HS3ST2: variants seen among roughly 807,000 people sequenced by gnomAD.
HS3ST2 encodes heparan sulfate glucosamine 3-O-sulfotransferase 2.
In HS3ST2, 17 loss-of-function variants were observed where a neutral mutation model predicts 26.3. That is an observed-to-expected ratio of 0.65 (90% CI 0.44 to 0.97). The LOEUF is 0.97. Among genes scored for constraint, HS3ST2 ranks in the 50% least tolerant of loss-of-function variants. HS3ST2 has a pLI of 0.00. For synonymous variants in HS3ST2, 237 were observed against 219.2 expected (o/e 1.08, Z -0.72); for missense variants, 402 against 501.2 (o/e 0.80, Z 1.89).
intron 1 of HS3ST2, among the ~76,000 whole-genome samples, chr16:22,911,303 A>G (rs957234765): frequency 6.6e-6 from 1 of 152,198 alleles, no homozygotes; most frequent in African/African-American, 2.4e-5. Flanking sequence ...TATTGAAATG[A>G]TTGTTCATTG....
At chr16:22,860,852 G>A (rs1901663845) in intron 1 of HS3ST2, among the ~76,000 whole-genome samples, 1 of 150,166 alleles carries the variant, frequency 6.7e-6, no homozygotes, top group South Asian at 2.1e-4. Context: ...ATTTAATATA[G>A]TAATAGATAA....
intron 1 of HS3ST2, among the ~76,000 whole-genome samples, chr16:22,829,325 T>C (rs960079810): frequency 6.6e-5 from 10 of 152,166 alleles, no homozygotes; most frequent in African/African-American, 2.2e-4. Context: ...GCAGAATAGG[T>C]GGGGATTTGT....
intron 1 of HS3ST2, among the ~76,000 whole-genome samples, chr16:22,819,618 T>C (rs1800762725): frequency 2.0e-5 from 3 of 152,222 alleles, no homozygotes; most frequent in Admixed American, 2.0e-4. Flanking sequence ...GATAATTGAC[T>C]CTGTGTTCTG....
At chr16:22,906,551 G>A (rs1433523200) in intron 1 of HS3ST2, among the ~76,000 whole-genome samples, 2 of 152,142 alleles carry the variant, frequency 1.3e-5, no homozygotes, top group African/African-American at 4.8e-5. Flanking sequence ...CAGAGCCTTG[G>A]GCTAGAGACA....
chr16:22,827,218 A>C (rs1901100877), intron 1 of HS3ST2, among the ~76,000 whole-genome samples: 1 of 152,176 alleles, frequency 6.6e-6, no homozygotes, highest in Admixed American at 6.5e-5. Flanking sequence ...CCCAGGGGCC[A>C]GTATGTCCAG....
chr16:22,885,868 C>A (rs1902052444), intron 1 of HS3ST2, among the ~76,000 whole-genome samples: 1 of 152,142 alleles, frequency 6.6e-6, no homozygotes, highest in Non-Finnish European at 1.5e-5. Context: ...CACTGGTCGA[C>A]AAAATGCCTG....
intron 1 of HS3ST2, among the ~76,000 whole-genome samples, chr16:22,880,555 T>G (rs1472658368): frequency 1.3e-5 from 2 of 152,210 alleles, no homozygotes; most frequent in Non-Finnish European, 2.9e-5. Flanking sequence ...ACCTATTCGA[T>G]CCCCTATTTG....
At chr16:22,817,259 A>G (rs960494441) in intron 1 of HS3ST2, among the ~76,000 whole-genome samples, 2 of 152,006 alleles carry the variant, frequency 1.3e-5, no homozygotes, top group African/African-American at 2.4e-5. Context: ...ATATTTCTAA[A>G]AGACTATCCT....
intron 1 of HS3ST2, among the ~76,000 whole-genome samples, chr16:22,841,985 C>CT (rs1901364546): frequency 6.6e-6 from 1 of 151,116 alleles, no homozygotes; most frequent in Admixed American, 6.6e-5. Context: ...TCTAGACAAT[C>CT]TGTCTTTTTT....
rs11383417 is a variant in HS3ST2, at chr16:22,831,593, AT to A, written c.485+16510del. Among the ~76,000 whole-genome samples the A allele has an allele frequency of 2.7e-3, 395 of 148,222 alleles. 1 individual carries two copies. The highest frequency in any genetic ancestry group is 4.8e-3 in the African/African-American group (197 of 40,660). On this transcript the variant is annotated intron_variant, in intron 1 of 1. Transcript: ENST00000261374. ...TAATATGTTACCTGAGGGCTAACCC[AT>A]TTTTTTTTTTTACAATCTCAGTTTA...
Position 22,915,820 on chromosome 16 carries a change from C to A in HS3ST2, c.*258C>A. On this transcript the variant is annotated 3_prime_UTR_variant, in exon 2 of 2. Transcript: ENST00000261374. ...GTAAATTCCAGAATCATTCTCCTTT[C>A]TGCCCATAAAGGGCCTTGGAGAATT... The A allele has an allele frequency of 2.0e-6, 1 of 505,676 alleles. No homozygotes were observed. The highest frequency in any genetic ancestry group is 3.5e-6 in the Non-Finnish European group (1 of 286,888). 31.3% of individuals were successfully genotyped at this position (505,676 alleles called of 1,614,324 possible). A position where few individuals can be genotyped will look rare whatever the true frequency, so the allele number is the denominator to read the frequency against.
chr16:22,876,343 G>T (rs1244996073), intron 1 of HS3ST2, among the ~76,000 whole-genome samples: 1 of 151,836 alleles, frequency 6.6e-6, no homozygotes, highest in Admixed American at 6.6e-5. Context: ...AGAAATATAT[G>T]AAAAAATTCT....
At chr16:22,815,343 A>G (rs1900848463) in intron 1 of HS3ST2, among the ~76,000 whole-genome samples, 1 of 152,194 alleles carries the variant, frequency 6.6e-6, no homozygotes, top group African/African-American at 2.4e-5. Flanking sequence ...GATTATCTCC[A>G]GTCAAACCTA....
At chr16:22,912,938 G>A (rs1047387559) in intron 1 of HS3ST2, among the ~76,000 whole-genome samples, 3 of 151,904 alleles carry the variant, frequency 2.0e-5, no homozygotes, top group East Asian at 3.9e-4. Context: ...CCCTGCCTCC[G>A]GAGTCTAGAC....
chr16:22,867,165 A>T lies in HS3ST2; in HGVS notation c.486-47779A>T, dbSNP rs539251556. On this transcript the variant is annotated intron_variant, in intron 1 of 1. Transcript: ENST00000261374. ...TTACTATATGGCAAGGTGGCATTTGAATCAGTGGGAAAGACTTATTTAACA... is the reference window on the plus strand; with the variant it reads ...TTACTATATGGCAAGGTGGCATTTGTATCAGTGGGAAAGACTTATTTAACA... Among the ~76,000 whole-genome samples the T allele has an allele frequency of 1.5e-4, 23 of 152,364 alleles. No homozygotes were observed. In the East Asian group the frequency reaches 4.2e-3, roughly 28 times the overall value.
chr16:22,847,414 A>G (rs1264036546), intron 1 of HS3ST2, among the ~76,000 whole-genome samples: 2 of 152,282 alleles, frequency 1.3e-5, no homozygotes, highest in East Asian at 1.9e-4. Flanking sequence ...AAAATGCAAG[A>G]AAGGAAGTGA....
At chr16:22,820,264 T>A (rs915069199) in intron 1 of HS3ST2, among the ~76,000 whole-genome samples, 1 of 152,192 alleles carries the variant, frequency 6.6e-6, no homozygotes, top group African/African-American at 2.4e-5. Context: ...TTGTCAGGCA[T>A]GGAGGAACAT....
chr16:22,848,648 C>A (rs1901479001), intron 1 of HS3ST2, among the ~76,000 whole-genome samples: 1 of 152,228 alleles, frequency 6.6e-6, no homozygotes, highest in East Asian at 1.9e-4. Context: ...CTCTGTTTCT[C>A]TGCATTCAGT....
intron 1 of HS3ST2, among the ~76,000 whole-genome samples, chr16:22,869,222 A>G (rs1464807791): frequency 6.6e-6 from 1 of 152,134 alleles, no homozygotes; most frequent in Non-Finnish European, 1.5e-5. Context: ...CCTGCTGGAC[A>G]AATCTTTGAG....
Sources: gnomAD v4.1 joint callset for allele counts (sites outside exome capture counted in the v4.1 genomes callset) on GRCh38, gnomAD v4.1.1 for gene constraint, MANE v1.5 for transcripts, NCBI Gene and HGNC (gene_info 2026-07-23, HGNC 2026-07-21) for gene names.